The following RIMS4 variants were observed in gnomAD, a reference collection of about 807,000 sequenced individuals.
The protein encoded by RIMS4 is regulating synaptic membrane exocytosis protein 4.
In RIMS4, 9 loss-of-function variants were observed where a neutral mutation model predicts 29.0. The observed-to-expected ratio is 0.31, with a 90% CI of 0.19 to 0.54. The LOEUF (loss-of-function observed/expected upper bound fraction) is 0.54, where lower values mean the gene tolerates loss of function less well. Ranked by LOEUF, RIMS4 falls within the 20% of genes least tolerant of loss-of-function variation. The pLI, the probability that RIMS4 is intolerant of heterozygous loss-of-function variation, is 0.94. For missense variants in RIMS4, 193 were observed against 365.7 expected, an observed-to-expected ratio of 0.53 and a Z score of 3.85; for synonymous variants, 130 against 152.9, an observed-to-expected ratio of 0.85 and a Z score of 1.10.
At position 44,756,774 on chromosome 20, in the gene RIMS4, G is replaced by A. The variant is rs977272992; in HGVS notation, c.591+124C>T. On this transcript the variant is annotated intron_variant, in intron 5 of 5. Transcript: ENST00000372851. This position sits in a 1 kb window ranked among gnomAD's most constrained non-coding sequence, Gnocchi z 5.9. ...TCAGCCACAGTGAACTGAGGGCCTC[G>A]CCTGTTTCCTCCAGGCGAGGCCCTC... The A allele has an allele frequency of 1.4e-5, 12 of 827,688 alleles. No homozygotes were observed. The highest frequency in any genetic ancestry group is 5.1e-5 in the African/African-American group (3 of 58,534). The allele number at this position is 827,688 out of a possible 1,614,324, so 51.3% of individuals were successfully genotyped here.
chr20:44,766,081 G>T (rs754384387), intron 2 of RIMS4, among the ~76,000 whole-genome samples: 16 of 152,174 alleles, frequency 1.1e-4, no homozygotes, highest in South Asian at 2.1e-4. Context: ...GCACTGTGGT[G>T]GGGGAGGGAC....
chr20:44,780,958 C>T (rs1014241969), intron 1 of RIMS4, among the ~76,000 whole-genome samples: 1 of 152,130 alleles, frequency 6.6e-6, no homozygotes, highest in Non-Finnish European at 1.5e-5. Context: ...ATGGAATGTG[C>T]TTTGTAACTC....
chr20:44,805,165 G>C (rs1232787979), intron 1 of RIMS4, among the ~76,000 whole-genome samples: 34 of 152,014 alleles, frequency 2.2e-4, no homozygotes. Context: ...AATTAGCCAG[G>C]GGTGGTGGTG....
intron 2 of RIMS4, among the ~76,000 whole-genome samples, chr20:44,768,589 G>A (rs1272842164): frequency 2.6e-5 from 4 of 152,212 alleles, no homozygotes; most frequent in African/African-American, 9.6e-5. Flanking sequence ...ACCTCGCCCA[G>A]GTGTTGGGCA....
chr20:44,786,450 C>T (rs1472344165), intron 1 of RIMS4, among the ~76,000 whole-genome samples: 1 of 152,228 alleles, frequency 6.6e-6, no homozygotes, highest in African/African-American at 2.4e-5. Flanking sequence ...TATCCTGCTG[C>T]ACCCTGTATT....
At chr20:44,766,822 A>C (rs1198422588) in intron 2 of RIMS4, among the ~76,000 whole-genome samples, 1 of 152,136 alleles carries the variant, frequency 6.6e-6, no homozygotes, top group East Asian at 1.9e-4. Context: ...TAACCGCCAG[A>C]GTCTGCATGC....
At chr20:44,782,635 C>A (rs73123575) in intron 1 of RIMS4, among the ~76,000 whole-genome samples, 61 of 152,222 alleles carry the variant, frequency 4.0e-4, no homozygotes, top group Non-Finnish European at 6.5e-4. Context: ...CATCTGGGAC[C>A]CAGGGTGAAG....
chr20:44,795,302 T>G (rs2066249935), intron 1 of RIMS4, among the ~76,000 whole-genome samples: 1 of 152,178 alleles, frequency 6.6e-6, no homozygotes, highest in Non-Finnish European at 1.5e-5. Flanking sequence ...CTTGGGCAAC[T>G]TACCTAATGT....
chr20:44,807,127 C>A (rs2066302417), intron 1 of RIMS4, among the ~76,000 whole-genome samples: 1 of 152,144 alleles, frequency 6.6e-6, no homozygotes, highest in Non-Finnish European at 1.5e-5. Flanking sequence ...CCCTAAAGCC[C>A]CAGCATCCTT....
At chr20:44,794,252 G>A (rs949945269) in intron 1 of RIMS4, among the ~76,000 whole-genome samples, 1 of 152,174 alleles carries the variant, frequency 6.6e-6, no homozygotes, top group African/African-American at 2.4e-5. Flanking sequence ...ACTTGGGGGT[G>A]AGGTAGGCAT....
intron 1 of RIMS4, among the ~76,000 whole-genome samples, chr20:44,776,154 G>T (rs951804652): frequency 6.6e-6 from 1 of 152,096 alleles, no homozygotes; most frequent in South Asian, 2.1e-4. Context: ...ATGGTGGTGG[G>T]CACCTGTAGT....
intron 1 of RIMS4, among the ~76,000 whole-genome samples, chr20:44,785,744 G>C (rs2066205389): frequency 6.6e-6 from 1 of 150,822 alleles, no homozygotes; most frequent in Non-Finnish European, 1.5e-5. Context: ...ATGATACATA[G>C]GTTTTCTTTT....
chr20:44,752,023 G>A lies in RIMS4; in HGVS notation c.*4111C>T, dbSNP rs528431208. The stretch of plus-strand genomic sequence containing the variant: ...TCCTGCCTTCCCACCACCCGTCCAG[G>A]AAGCAGTCATAAAGTGAAAGGGCTC... On this transcript the variant is annotated 3_prime_UTR_variant, in exon 6 of 6. Coordinates refer to ENST00000372851, the MANE Select transcript of RIMS4 (RefSeq NM_182970.4). 35 of 152,364 alleles carry A rather than the reference G, an allele frequency of 2.3e-4. No homozygotes were observed. Among genetic ancestry groups the A allele is most frequent in the African/African-American group, 7.9e-4 (33 of 41,558 alleles). 9.4% of individuals were successfully genotyped at this position (152,364 alleles called of 1,614,324 possible).
chr20:44,759,161 T>C (rs913159639), intron 2 of RIMS4, among the ~76,000 whole-genome samples: 6 of 152,282 alleles, frequency 3.9e-5, no homozygotes, highest in Admixed American at 6.5e-5. Flanking sequence ...CTGATGTGCC[T>C]CTGTTATCCT....
chr20:44,751,950 G>A lies in RIMS4; in HGVS notation c.*4184C>T, dbSNP rs2066034373. 1 of 152,284 alleles carries A rather than the reference G, an allele frequency of 6.6e-6. No individual in the cohort carries two copies. The highest frequency in any genetic ancestry group is 1.5e-5 in the Non-Finnish European group (1 of 68,102). The allele number at this position is 152,284 out of a possible 1,614,324, so 9.4% of individuals were successfully genotyped here. A position where few individuals can be genotyped will look rare whatever the true frequency, so the allele number is the denominator to read the frequency against. ...GCTGCTGCTCCAAGAGAGGGAATGA[G>A]GGAAAGGTGGGTGGATGGAGAGAGG... On this transcript the variant is annotated 3_prime_UTR_variant, in exon 6 of 6. Transcript: ENST00000372851.
At chr20:44,797,796 G>C (rs370875889) in intron 1 of RIMS4, among the ~76,000 whole-genome samples, 1 of 152,062 alleles carries the variant, frequency 6.6e-6, no homozygotes, top group East Asian at 1.9e-4. Flanking sequence ...GACCCTTCCC[G>C]CACTCCCCAG....
intron 2 of RIMS4, among the ~76,000 whole-genome samples, chr20:44,761,837 A>C (rs2066086606): frequency 6.6e-6 from 1 of 152,206 alleles, no homozygotes; most frequent in East Asian, 1.9e-4. Context: ...TTATGCAACA[A>C]TGGTTTTTTT....
intron 1 of RIMS4, among the ~76,000 whole-genome samples, chr20:44,785,902 T>C (rs1226633508): frequency 1.3e-5 from 2 of 151,988 alleles, no homozygotes; most frequent in Non-Finnish European, 1.5e-5. Context: ...CCTTGATTGA[T>C]TGGTGTTGTC....
At chr20:44,801,164 G>A (rs2066275899) in intron 1 of RIMS4, among the ~76,000 whole-genome samples, 1 of 152,140 alleles carries the variant, frequency 6.6e-6, no homozygotes, top group Non-Finnish European at 1.5e-5. Context: ...CCAGGTCTTT[G>A]GGCCTCCCAA....
Sources: gnomAD v4.1 joint callset for allele counts (sites outside exome capture counted in the v4.1 genomes callset) on GRCh38, gnomAD v4.1.1 for gene constraint, Gnocchi (gnomAD v3.1) non-coding constraint, MANE v1.5 for transcripts, NCBI Gene and HGNC (gene_info 2026-07-23, HGNC 2026-07-21) for gene names.